The following EHHADH variants were observed in gnomAD, a reference collection of about 807,000 sequenced individuals.
The protein encoded by EHHADH is enoyl-CoA hydratase and 3-hydroxyacyl CoA dehydrogenase.
EHHADH carries 48 observed loss-of-function variants against 64.4 expected under a neutral mutation model. The ratio of observed to expected loss-of-function variants is 0.75; its 90% CI spans 0.59 to 0.95. The LOEUF is 0.95. EHHADH is among the 40% of genes least tolerant of loss of function. EHHADH has a pLI of 0.00. For synonymous variants in EHHADH, 308 were observed against 326.7 expected, an observed-to-expected ratio of 0.94 and a Z score of 0.62; for missense variants, 854 against 876.6, an observed-to-expected ratio of 0.97 and a Z score of 0.33.
intron 6 of EHHADH, 127 bp from the exon 7 acceptor site, chr3:185,193,614 G>T: frequency 9.2e-7 from 1 of 1,084,872 alleles, no homozygotes; most frequent in Non-Finnish European, 1.3e-6. Context: ...AAACACAAAT[G>T]GATTGAGTAC....
At chr3:185,229,892 T>C (rs890823753) in intron 3 of EHHADH, among the ~76,000 whole-genome samples, 2 of 152,174 alleles carry the variant, frequency 1.3e-5, no homozygotes, top group African/African-American at 4.8e-5. Flanking sequence ...ACCCACAGAA[T>C]GGGAGAGAAT....
chr3:185,210,624 G>C (rs1288357692), intron 5 of EHHADH, among the ~76,000 whole-genome samples: 3 of 145,558 alleles, frequency 2.1e-5, no homozygotes, highest in African/African-American at 7.8e-5. Context: ...GACAGAGTGA[G>C]ACTCTGTCTC....
At chr3:185,233,149 T>C (rs892498854) in intron 3 of EHHADH, among the ~76,000 whole-genome samples, 1 of 152,230 alleles carries the variant, frequency 6.6e-6, no homozygotes, top group Non-Finnish European at 1.5e-5. Flanking sequence ...AAAGCAACAA[T>C]GATAAATCTA....
chr3:185,234,110 G>A (rs1719217301), intron 3 of EHHADH, among the ~76,000 whole-genome samples: 1 of 152,048 alleles, frequency 6.6e-6, no homozygotes, highest in African/African-American at 2.4e-5. Context: ...ATGTTCTCTA[G>A]TTTAGTAGAA....
At chr3:185,196,674 A>C (rs1560006022) in intron 6 of EHHADH, among the ~76,000 whole-genome samples, 1 of 152,212 alleles carries the variant, frequency 6.6e-6, no homozygotes, top group East Asian at 1.9e-4. Flanking sequence ...TACATACTAT[A>C]ACATGAATGA....
At chr3:185,253,195 T>C (rs1719795419) in intron 1 of EHHADH, 1 of 151,188 alleles carries the variant, frequency 6.6e-6, no homozygotes, top group Non-Finnish European at 1.5e-5. Flanking sequence ...GGCAAAATTC[T>C]GCTTTAATCA....
At chr3:185,202,947 T>A (rs1165629147) in intron 6 of EHHADH, among the ~76,000 whole-genome samples, 2 of 140,306 alleles carry the variant, frequency 1.4e-5, no homozygotes, top group Non-Finnish European at 1.5e-5. Context: ...GTAGATCTCA[T>A]AATGATACAG....
chr3:185,247,000 T>C (rs1233960477), intron 2 of EHHADH, among the ~76,000 whole-genome samples: 1 of 152,196 alleles, frequency 6.6e-6, no homozygotes, highest in Non-Finnish European at 1.5e-5. Flanking sequence ...TCAGAGGATA[T>C]TGGAAATTAA....
chr3:185,198,674 C>A (rs1472087726), intron 6 of EHHADH, among the ~76,000 whole-genome samples: 1 of 151,852 alleles, frequency 6.6e-6, no homozygotes, highest in Non-Finnish European at 1.5e-5. Context: ...CATGGCAAAA[C>A]CCCATCTCTA....
At position 185,216,316 on chromosome 3, in the gene EHHADH, A is replaced by G. The variant is rs1013202223; in HGVS notation, c.568+1820T>C. 1.3e-5 allele frequency among the ~76,000 whole-genome samples: 2 copies of G among 152,216 alleles called. No homozygotes were observed. The highest frequency in any genetic ancestry group is 4.8e-5 in the African/African-American group (2 of 41,458). On this transcript the variant is annotated intron_variant, in intron 5 of 6. Transcript: ENST00000231887. The surrounding 1 kb of genome is among the most constrained non-coding windows in gnomAD (Gnocchi z 5.3). Reference sequence around the variant, plus strand: ...TCTAGGGAAATCACTTAAGGAAAAGAACTTCCTGTTGAAATTGAGACCTTT... The same window carrying G: ...TCTAGGGAAATCACTTAAGGAAAAGGACTTCCTGTTGAAATTGAGACCTTT...
At chr3:185,211,874 G>C (rs1718548777) in intron 5 of EHHADH, among the ~76,000 whole-genome samples, 1 of 152,188 alleles carries the variant, frequency 6.6e-6, no homozygotes, top group South Asian at 2.1e-4. Flanking sequence ...AACTCCAAAA[G>C]AACAAATAGA....
chr3:185,196,219 T>C (rs557864875), intron 6 of EHHADH, among the ~76,000 whole-genome samples: 1 of 151,256 alleles, frequency 6.6e-6, no homozygotes, highest in African/African-American at 2.5e-5. Context: ...TGTATCAATG[T>C]CACTTGGCAT....
Position 185,253,992 on chromosome 3 carries a change from A to C in EHHADH, c.31T>G (p.Leu11Val). The C allele has an allele frequency of 6.2e-7, 1 of 1,613,968 alleles. No individual in the cohort carries two copies. The highest frequency in any genetic ancestry group is 8.5e-7 in the Non-Finnish European group (1 of 1,179,934). Residue 11 changes from leucine (L) to valine (V), a missense_variant, in exon 1 of 7, where the codon TTG (leucine) becomes GTG (valine). Transcript: ENST00000231887. MAEYTRLHNA[L>V]ALIRLRNPPV... Reference sequence around the variant, plus strand: ...GGGTTTCGGAGGCGGATTAGCGCCAAGGCGTTGTGCAGCCGCGTATACTCG... The same window carrying C: ...GGGTTTCGGAGGCGGATTAGCGCCACGGCGTTGTGCAGCCGCGTATACTCG...
Position 185,193,227 on chromosome 3 carries a change from G to A in EHHADH, c.1171C>T (p.Gln391Ter). The A allele has an allele frequency of 6.2e-7, 1 of 1,605,168 alleles. No homozygotes were observed. Among genetic ancestry groups the A allele is most frequent in the Non-Finnish European group, 8.5e-7 (1 of 1,176,750 alleles). The change falls in exon 7 of 7, where the codon CAG (glutamine) becomes TAG (stop). Residue 391 changes from glutamine (Q) to a stop codon, truncating the protein, a stop_gained. Coordinates refer to ENST00000231887, the MANE Select transcript of EHHADH (RefSeq NM_001966.4). LOFTEE classifies it high-confidence loss of function. ...ACAGCTGAGAGTTCAGCAAAGACCT[G>A]CTTCTTCAGGCTCATTTCCTCAAAT... is the stretch of plus-strand genomic sequence containing the variant. ...AVFEEMSLKKQVFAELSAVCK... is the reference protein window; with the variant it reads ...AVFEEMSLKK
intron 2 of EHHADH, chr3:185,246,158 C>T: frequency 9.2e-7 from 1 of 1,083,284 alleles, no homozygotes; most frequent in South Asian, 1.3e-5. Flanking sequence ...TCCTTTACAA[C>T]TTCTTCAGCT....
intron 5 of EHHADH, among the ~76,000 whole-genome samples, chr3:185,215,302 C>A (rs1278452067): frequency 6.6e-6 from 1 of 151,792 alleles, no homozygotes; most frequent in Non-Finnish European, 1.5e-5. Flanking sequence ...TGTGGTTTAC[C>A]CACAATGTGG....
At chr3:185,200,446 C>T (rs1032954047) in intron 6 of EHHADH, among the ~76,000 whole-genome samples, 1 of 152,148 alleles carries the variant, frequency 6.6e-6, no homozygotes, top group Non-Finnish European at 1.5e-5. Flanking sequence ...GGTTGAACAG[C>T]TCTCACTTCT....
chr3:185,204,156 A>T lies in EHHADH; in HGVS notation c.910+260T>A, dbSNP rs1004757374. On this transcript the variant is annotated intron_variant, in intron 6 of 6. Coordinates refer to ENST00000231887, the MANE Select transcript of EHHADH (RefSeq NM_001966.4). ...TCAAAAAAAAAAAAAAAAAAAAAAA[A>T]AAGAATAAAACATTCCCAGTCTGGA... 1.3e-4 allele frequency among the ~76,000 whole-genome samples: 20 copies of T among 150,524 alleles called. 1 individual carries two copies. The highest frequency in any genetic ancestry group is 3.5e-3 in the Middle Eastern group (1 of 288).
intron 1 of EHHADH, among the ~76,000 whole-genome samples, chr3:185,251,659 C>T (rs73193024): frequency 0.062 from 9,357 of 151,560 alleles, 398 homozygotes; most frequent in Non-Finnish European, 0.08. Context: ...AAGTAAGAAT[C>T]TCTCAATCAG....
Sources: allele counts gnomAD v4.1 joint callset (sites outside exome capture counted in the v4.1 genomes callset), GRCh38; gene constraint gnomAD v4.1.1; non-coding constraint Gnocchi (gnomAD v3.1); transcripts MANE v1.5; gene names NCBI Gene and HGNC (gene_info 2026-07-23, HGNC 2026-07-21).